ADGRB1: variants seen among roughly 807,000 people sequenced by gnomAD.
ADGRB1 encodes adhesion G protein-coupled receptor B1, also known as brain-specific angiogenesis inhibitor 1.
A neutral mutation model predicts 175.7 loss-of-function variants in ADGRB1; 36 were observed. The observed-to-expected ratio is 0.20, with a 90% CI of 0.16 to 0.27. The LOEUF (loss-of-function observed/expected upper bound fraction) is 0.27, where lower values mean the gene tolerates loss of function less well. Among genes scored for constraint, ADGRB1 ranks in the 10% least tolerant of loss-of-function variants. The pLI, the probability that ADGRB1 is intolerant of heterozygous loss-of-function variation, is 1.00. For missense variants in ADGRB1, 1,731 were observed against 2,255.3 expected, an observed-to-expected ratio of 0.77 and a Z score of 4.71; for synonymous variants, 1,054 against 979.4, an observed-to-expected ratio of 1.08 and a Z score of -1.42.
intron 9 of ADGRB1, among the ~76,000 whole-genome samples, 196 bp downstream of exon 9, chr8:142,479,990 C>G (rs1362964262): frequency 6.6e-6 from 1 of 152,232 alleles, no homozygotes; most frequent in Non-Finnish European, 1.5e-5. Flanking sequence ...GTTCTGAGCA[C>G]TCGCTAGGGG....
At chr8:142,540,486 C>T (rs1372235062) in intron 27 of ADGRB1, among the ~76,000 whole-genome samples, 1 of 145,134 alleles carries the variant, frequency 6.9e-6, no homozygotes. Context: ...CTGGTGGATG[C>T]GCCATGAGCA....
intron 2 of ADGRB1, among the ~76,000 whole-genome samples, chr8:142,469,691 G>T (rs1261803660): frequency 6.8e-6 from 1 of 147,556 alleles, no homozygotes; most frequent in Non-Finnish European, 1.5e-5. Context: ...GTGTGTGAAT[G>T]TGTGCGTGCC....
intron 24 of ADGRB1, among the ~76,000 whole-genome samples, chr8:142,529,693 G>GT (rs1844485422): frequency 1.9e-5 from 2 of 103,482 alleles, no homozygotes; most frequent in African/African-American, 5.2e-5. Context: ...AGCGTGCATC[G>GT]GTGTACCTGT....
At chr8:142,460,401 C>T (rs1839912284) in intron 1 of ADGRB1, among the ~76,000 whole-genome samples, 1 of 152,206 alleles carries the variant, frequency 6.6e-6, no homozygotes, top group South Asian at 2.1e-4. Flanking sequence ...TTCTGTGGGT[C>T]TCAAATTCAT....
At chr8:142,529,603 TGTGA>T (rs1362447107) in intron 24 of ADGRB1, among the ~76,000 whole-genome samples, 3 of 152,044 alleles carry the variant, frequency 2.0e-5, no homozygotes, top group African/African-American at 7.3e-5. Flanking sequence ...CATGTATGTG[TGTGA>T]GTGCAACCCA....
intron 25 of ADGRB1, among the ~76,000 whole-genome samples, chr8:142,536,105 A>G (rs1298795475): frequency 3.3e-5 from 5 of 151,866 alleles, no homozygotes; most frequent in Non-Finnish European, 7.4e-5. Flanking sequence ...GTGGGTGGGT[A>G]GGTAGGTGGG....
chr8:142,480,858 G>A (rs1160300689), intron 9 of ADGRB1, among the ~76,000 whole-genome samples: 1 of 152,212 alleles, frequency 6.6e-6, no homozygotes, highest in Non-Finnish European at 1.5e-5. Flanking sequence ...CTCTGGGCCA[G>A]GCTGAGGCCC....
intron 1 of ADGRB1, among the ~76,000 whole-genome samples, chr8:142,456,653 T>A (rs1471397776): frequency 6.6e-6 from 1 of 152,254 alleles, no homozygotes; most frequent in Non-Finnish European, 1.5e-5. Context: ...GCTGCTCACC[T>A]ACTGGACACA....
chr8:142,461,443 A>C (rs1202061483), intron 1 of ADGRB1, among the ~76,000 whole-genome samples: 3 of 152,234 alleles, frequency 2.0e-5, no homozygotes, highest in Non-Finnish European at 1.5e-5. Context: ...TGCGGACACC[A>C]GCCGCGTCGT....
At chr8:142,459,813 C>T (rs1839876222) in intron 1 of ADGRB1, among the ~76,000 whole-genome samples, 1 of 152,204 alleles carries the variant, frequency 6.6e-6, no homozygotes, top group African/African-American at 2.4e-5. Flanking sequence ...CCCCCATTTG[C>T]TCTCTGGAAG....
In ADGRB1 at chr8:142,493,404, C is replaced by T. The variant is rs983145948; in HGVS notation, c.2675+2589C>T. On this transcript the variant is annotated intron_variant, in intron 17 of 30. Transcript: ENST00000517894. This position sits in a 1 kb window ranked among gnomAD's most constrained non-coding sequence, Gnocchi z 5.0. ...AAGTCCCCAGGGTGTTTGGCGTCCG[C>T]GTGGCCTCTGTCGACCCTAAAAGTC... Among the ~76,000 whole-genome samples the T allele has an allele frequency of 6.6e-6, 1 of 152,094 alleles. No individual in the cohort carries two copies. The highest frequency in any genetic ancestry group is 2.4e-5 in the African/African-American group (1 of 41,430).
At chr8:142,519,150 G>C (rs1843619558) in intron 19 of ADGRB1, among the ~76,000 whole-genome samples, 1 of 152,182 alleles carries the variant, frequency 6.6e-6, no homozygotes, top group African/African-American at 2.4e-5. Context: ...CCTTCCCCTA[G>C]GGCCTGGATT....
chr8:142,494,571 C>T (rs899307176), intron 17 of ADGRB1, among the ~76,000 whole-genome samples: 1 of 152,102 alleles, frequency 6.6e-6, no homozygotes, highest in African/African-American at 2.4e-5. Flanking sequence ...ATGCAAGTCA[C>T]CTGCCTGCCT....
intron 13 of ADGRB1, among the ~76,000 whole-genome samples, chr8:142,486,460 A>G (rs181967429): frequency 9.4e-4 from 143 of 152,322 alleles, no homozygotes; most frequent in African/African-American, 3.2e-3. Context: ...GTCCATTTCA[A>G]TATTCATCTC....
intron 11 of ADGRB1, among the ~76,000 whole-genome samples, chr8:142,483,588 A>C (rs1841497259): frequency 7.2e-6 from 1 of 139,136 alleles, no homozygotes; most frequent in South Asian, 2.3e-4. Flanking sequence ...TCACACCCTG[A>C]GCCCTTATCC....
intron 17 of ADGRB1, among the ~76,000 whole-genome samples, chr8:142,500,978 C>G (rs1842494343): frequency 6.6e-6 from 1 of 152,038 alleles, no homozygotes; most frequent in Non-Finnish European, 1.5e-5. Flanking sequence ...CTCCTGCCAG[C>G]CTGGTTCTGC....
chr8:142,539,553 G>A, intron 27 of ADGRB1, 140 bp downstream of exon 27: 1 of 1,076,944 alleles, frequency 9.3e-7, no homozygotes. Flanking sequence ...CACACCGTCA[G>A]GCCCACCTGG....
chr8:142,453,398 G>C (rs1839477492), intron 1 of ADGRB1, among the ~76,000 whole-genome samples: 1 of 152,206 alleles, frequency 6.6e-6, no homozygotes, highest in South Asian at 2.1e-4. Flanking sequence ...GGACCCCTGG[G>C]AGGAAAACTC....
chr8:142,463,248 C>G (rs147146290), intron 1 of ADGRB1, among the ~76,000 whole-genome samples: 1 of 152,154 alleles, frequency 6.6e-6, no homozygotes, highest in Non-Finnish European at 1.5e-5. Flanking sequence ...GTGGGAGGGC[C>G]GAAAGAGAGC....
Sources: allele counts gnomAD v4.1 joint callset (sites outside exome capture counted in the v4.1 genomes callset), GRCh38; gene constraint gnomAD v4.1.1; non-coding constraint Gnocchi (gnomAD v3.1); transcripts MANE v1.5; gene names NCBI Gene and HGNC (gene_info 2026-07-23, HGNC 2026-07-21).